DGKH: variants seen among roughly 807,000 people sequenced by gnomAD.
DGKH encodes diacylglycerol kinase eta.
DGKH carries 90 observed loss-of-function variants against 159.3 expected under a neutral mutation model. The observed-to-expected ratio is 0.57, with a 90% CI of 0.48 to 0.67. The LOEUF (loss-of-function observed/expected upper bound fraction) is 0.67. DGKH is among the 30% of genes least tolerant of loss of function. The probability of loss-of-function intolerance (pLI) is 0.00; values close to 1 mark genes in which losing one functional copy is unlikely to be tolerated. For missense variants in DGKH, 1,181 were observed against 1,506.1 expected (o/e 0.78, Z 3.57); for synonymous variants, 536 against 553.8 (o/e 0.97, Z 0.45).
intron 26 of DGKH, among the ~76,000 whole-genome samples, chr13:42,217,462 C>T (rs1164492525): frequency 3.3e-5 from 5 of 151,672 alleles, no homozygotes; most frequent in South Asian, 4.2e-4. Context: ...AGGCTGGTCT[C>T]GAACTCCTGA....
chr13:42,250,095 C>T (rs559685063), intron 29 of DGKH, among the ~76,000 whole-genome samples: 75 of 151,922 alleles, frequency 4.9e-4, no homozygotes, highest in African/African-American at 1.6e-3. Flanking sequence ...CTCAGCCTCC[C>T]GAGTAGCTGG....
At chr13:42,209,302 G>T (rs1436609563) in intron 22 of DGKH, 29 bp from the exon 23 acceptor site, 2 of 1,593,864 alleles carry the variant, frequency 1.3e-6, no homozygotes, top group South Asian at 2.3e-5. Flanking sequence ...TGGATGATTT[G>T]TACTCTAAAA....
intron 2 of DGKH, 146 bp from the exon 3 acceptor site, chr13:42,129,406 T>C (rs955607797): frequency 4.6e-6 from 3 of 654,986 alleles, no homozygotes; most frequent in African/African-American, 3.7e-5. Context: ...TTATTTTTCC[T>C]TTCTAGGAAG....
intron 1 of DGKH, among the ~76,000 whole-genome samples, chr13:42,084,390 C>T (rs1193588686): frequency 6.6e-6 from 1 of 151,968 alleles, no homozygotes; most frequent in Non-Finnish European, 1.5e-5. Context: ...ATCCCATCTG[C>T]TATTCAGTGT....
At chr13:42,057,869 G>A (rs984832787) in intron 1 of DGKH, among the ~76,000 whole-genome samples, 6 of 152,178 alleles carry the variant, frequency 3.9e-5, no homozygotes, top group Non-Finnish European at 5.9e-5. Flanking sequence ...TTTAGGCAAT[G>A]AGCCATGTGG....
At chr13:42,114,552 G>A (rs1015299509) in intron 1 of DGKH, among the ~76,000 whole-genome samples, 1 of 152,104 alleles carries the variant, frequency 6.6e-6, no homozygotes, top group African/African-American at 2.4e-5. Context: ...TATTAGTTTG[G>A]GGCTTATTGA....
At chr13:42,198,659 G>A (rs1259577771) in intron 18 of DGKH, 64 bp downstream of exon 18, 3 of 1,266,802 alleles carry the variant, frequency 2.4e-6, no homozygotes, top group Non-Finnish European at 2.2e-6. Context: ...TTTTCAACAT[G>A]AACTGTAACA....
chr13:42,117,628 C>T (rs753318712), intron 1 of DGKH, among the ~76,000 whole-genome samples: 5 of 152,004 alleles, frequency 3.3e-5, no homozygotes, highest in Admixed American at 2.0e-4. Flanking sequence ...TTTGTAGCTT[C>T]GTGAAGGCAA....
At chr13:42,053,455 T>TAA (rs1234159654) in intron 1 of DGKH, among the ~76,000 whole-genome samples, 4 of 138,600 alleles carry the variant, frequency 2.9e-5, no homozygotes, top group Middle Eastern at 3.4e-3. Flanking sequence ...ACTATATATA[T>TAA]AACTATATAT....
At chr13:42,070,182 A>G in intron 1 of DGKH, 7 of 946,732 alleles carry the variant, frequency 7.4e-6, no homozygotes, top group African/African-American at 1.6e-5. Flanking sequence ...CTATTAACCA[A>G]TCCATGGGGC....
chr13:42,154,491 C>T (rs999208241), intron 3 of DGKH, among the ~76,000 whole-genome samples: 16 of 152,180 alleles, frequency 1.1e-4, no homozygotes, highest in Non-Finnish European at 2.2e-4. Context: ...ATTCCACTTG[C>T]TTTAAGGTCC....
At chr13:42,186,571 A>G (rs1409704173) in intron 13 of DGKH, among the ~76,000 whole-genome samples, 1 of 152,236 alleles carries the variant, frequency 6.6e-6, no homozygotes, top group Non-Finnish European at 1.5e-5. Context: ...TGTTTTCAGC[A>G]TAACGCACAA....
At chr13:42,161,423 C>T (rs996308688) in intron 7 of DGKH, among the ~76,000 whole-genome samples, 3 of 151,988 alleles carry the variant, frequency 2.0e-5, no homozygotes, top group African/African-American at 7.3e-5. Flanking sequence ...CCAAGGTGGG[C>T]GGATCATGGG....
chr13:42,074,584 ACCT>A, intron 1 of DGKH, among the ~76,000 whole-genome samples: 1 of 152,140 alleles, frequency 6.6e-6, no homozygotes, highest in South Asian at 2.1e-4. Context: ...GCTATAACTT[ACCT>A]GTTTATTTCC....
At chr13:42,097,065 C>T (rs190468406) in intron 1 of DGKH, among the ~76,000 whole-genome samples, 34 of 152,302 alleles carry the variant, frequency 2.2e-4, no homozygotes, top group African/African-American at 7.9e-4. Context: ...AGCTTTTCCC[C>T]AGCCTTTCCC....
Position 42,168,862 on chromosome 13 carries a change from C to T in DGKH, c.1367+44C>T, listed in dbSNP as rs371907755. 40 of 1,556,250 alleles carry T rather than the reference C, an allele frequency of 2.6e-5. No individual in the cohort carries two copies. The African/African-American group carries it at 4.4e-4, about 17-fold the overall frequency. On this transcript the variant is annotated intron_variant, in intron 11 of 29. Coordinates refer to ENST00000337343, the MANE Select transcript of DGKH (RefSeq NM_178009.5). ...CTACAACTAGATGGAAAATGGCATA[C>T]TGAAATCATTTTTTTGATGATTTCT... is the stretch of plus-strand genomic sequence containing the variant.
At chr13:42,218,936 A>AC (rs1957884703) in intron 26 of DGKH, among the ~76,000 whole-genome samples, 1 of 152,220 alleles carries the variant, frequency 6.6e-6, no homozygotes, top group African/African-American at 2.4e-5. Context: ...GACAGGAAAG[A>AC]AGACATTTAC....
At position 42,113,934 on chromosome 13, in the gene DGKH, G is replaced by T. The variant is rs566913178; in HGVS notation, c.193-13529G>T. 3.0e-4 allele frequency among the ~76,000 whole-genome samples: 46 copies of T among 152,232 alleles called. No individual in the cohort carries two copies. In the South Asian group the frequency reaches 9.1e-3, roughly 30 times the overall value. On this transcript the variant is annotated intron_variant, in intron 1 of 29. Transcript: ENST00000337343. ...CATGGGTCTGTGTGGTTTGTGTTTG[G>T]CCACCTTTGAAGCTAAATTATGCTA...
chr13:42,047,085 C>A (rs558514347), upstream of DGKH, among the ~76,000 whole-genome samples: 1 of 152,300 alleles, frequency 6.6e-6, no homozygotes, highest in African/African-American at 2.4e-5. Flanking sequence ...TCTTAAAATT[C>A]ATTTTGCCCA....
Sources: gnomAD v4.1 joint callset for allele counts (sites outside exome capture counted in the v4.1 genomes callset) on GRCh38, gnomAD v4.1.1 for gene constraint, MANE v1.5 for transcripts, NCBI Gene and HGNC (gene_info 2026-07-23, HGNC 2026-07-21) for gene names.